ECE1: variants seen among roughly 807,000 people sequenced by gnomAD.
ECE1 encodes endothelin converting enzyme 1, also known as endothelin-converting enzyme 1.
In ECE1, 35 loss-of-function variants were observed where a neutral mutation model predicts 98.6. That is an observed-to-expected ratio of 0.35 (90% confidence interval 0.27 to 0.47). The LOEUF (loss-of-function observed/expected upper bound fraction) is 0.47, where lower values mean the gene tolerates loss of function less well. Ranked by LOEUF, ECE1 falls within the 20% of genes least tolerant of loss-of-function variation. The probability of loss-of-function intolerance (pLI) is 1.00; values close to 1 mark genes in which losing one functional copy is unlikely to be tolerated. For synonymous variants in ECE1, 394 were observed against 407.1 expected, an observed-to-expected ratio of 0.97 and a Z score of 0.39; for missense variants, 814 against 1,025.3, an observed-to-expected ratio of 0.79 and a Z score of 2.81.
Position 21,225,238 on chromosome 1 carries a change from C to G in ECE1, c.2040+12G>C, listed in dbSNP as rs771179099. On this transcript the variant is annotated intron_variant, in intron 17 of 18. Coordinates refer to ENST00000374893, the MANE Select transcript of ECE1 (RefSeq NM_001397.3). This position sits in a 1 kb window ranked among gnomAD's most constrained non-coding sequence, Gnocchi z 5.3. ...ACTGGGACCGTGCGCGTGTGGGGAG[C>G]GGGGCTCTCACCCGATAGGCCGCCT... 10 of 1,613,506 alleles carry G rather than the reference C, an allele frequency of 6.2e-6. 1 individual carries two copies. In the East Asian group the frequency reaches 8.9e-5, roughly 14 times the overall value.
At chr1:21,343,613 T>G (rs912731820) in intron 1 of ECE1, among the ~76,000 whole-genome samples, 6 of 152,234 alleles carry the variant, frequency 3.9e-5, no homozygotes, top group African/African-American at 1.4e-4. Context: ...TGTTATCATC[T>G]CATCTTGCAG....
chr1:21,327,031 C>T lies in ECE1; in HGVS notation c.3+18345G>A, dbSNP rs903478658. On this transcript the variant is annotated intron_variant, in intron 1 of 18. Coordinates refer to the ECE1 transcript ENST00000415912. The surrounding 1 kb of genome is among the most constrained non-coding windows in gnomAD (Gnocchi z 4.6). ...GGCAGGGTCCTGAGGGCCCTGGTCT[C>T]GCTGGGGTCGCATAGGTCACATGGA... Among the ~76,000 whole-genome samples the T allele has an allele frequency of 5.3e-5, 8 of 152,302 alleles. No homozygotes were observed. The highest frequency in any genetic ancestry group is 7.2e-5 in the African/African-American group (3 of 41,566).
chr1:21,252,841 G>A (rs16825157), intron 8 of ECE1, among the ~76,000 whole-genome samples: 7,267 of 152,266 alleles, frequency 0.048, 560 homozygotes, highest in African/African-American at 0.16. Flanking sequence ...GTTCCTGGGT[G>A]ACATCGCTAA....
upstream of ECE1, among the ~76,000 whole-genome samples, chr1:21,290,936 G>A (rs1283125408): frequency 1.3e-5 from 2 of 152,136 alleles, no homozygotes; most frequent in African/African-American, 4.8e-5. The surrounding 1 kb of genome is among the most constrained non-coding windows in gnomAD (Gnocchi z 7.3). Context: ...AAATTTCAGA[G>A]AACTCCCTGA....
intron 1 of ECE1, among the ~76,000 whole-genome samples, chr1:21,331,341 T>C (rs751243421): frequency 5.3e-5 from 8 of 151,860 alleles, no homozygotes; most frequent in African/African-American, 1.9e-4. Context: ...GAGGTGACAA[T>C]TGCAATGAGC....
intron 12 of ECE1, 32 bp downstream of exon 12, chr1:21,236,714 A>G: frequency 6.2e-7 from 1 of 1,602,348 alleles, no homozygotes; most frequent in South Asian, 1.1e-5. Context: ...TGGACGCCGC[A>G]GCACCCCCTC....
intron 14 of ECE1, among the ~76,000 whole-genome samples, chr1:21,229,321 C>T (rs867426599): frequency 1.3e-4 from 19 of 151,890 alleles, no homozygotes; most frequent in Non-Finnish European, 2.5e-4. Context: ...GTAGCTGGGA[C>T]TACAAGCACT....
chr1:21,303,196 G>A (rs1172962904), intron 1 of ECE1, among the ~76,000 whole-genome samples: 2 of 152,222 alleles, frequency 1.3e-5, no homozygotes, highest in Non-Finnish European at 2.9e-5. Context: ...GGGTGGGGCC[G>A]TGGTACTCTC....
At chr1:21,317,432 A>G (rs1638853242) in intron 1 of ECE1, among the ~76,000 whole-genome samples, 2 of 152,214 alleles carry the variant, frequency 1.3e-5, no homozygotes, top group South Asian at 4.1e-4. Context: ...CGCAGGCCTC[A>G]GATGGGGAAA....
chr1:21,316,338 G>A (rs112770962), intron 1 of ECE1, among the ~76,000 whole-genome samples: 56 of 152,200 alleles, frequency 3.7e-4, no homozygotes, highest in Middle Eastern at 3.4e-3. Context: ...GCACGATCTC[G>A]GCTCACTACA....
intron 8 of ECE1, among the ~76,000 whole-genome samples, chr1:21,249,124 C>G (rs1246878839): frequency 6.6e-6 from 1 of 152,040 alleles, no homozygotes; most frequent in East Asian, 1.9e-4. Context: ...CAGTGGATCA[C>G]CTGAGGTCAG....
At position 21,327,899 on chromosome 1, in the gene ECE1, G is replaced by A. The variant is rs1044680785; in HGVS notation, c.3+17477C>T. Among the ~76,000 whole-genome samples, 7 of 152,222 alleles carry A rather than the reference G, an allele frequency of 4.6e-5. No homozygotes were observed. The highest frequency in any genetic ancestry group is 1.5e-5 in the Non-Finnish European group (1 of 68,044). On this transcript the variant is annotated intron_variant, in intron 1 of 18. Coordinates refer to the ECE1 transcript ENST00000415912. The surrounding 1 kb of genome is among the most constrained non-coding windows in gnomAD (Gnocchi z 4.6). ...GAACCCTATTGTGAACTGCACGTGCGAGGGATCTAGGCTGTGCATTCCTAT... is the reference window on the plus strand; with the variant it reads ...GAACCCTATTGTGAACTGCACGTGCAAGGGATCTAGGCTGTGCATTCCTAT...
At chr1:21,228,065 G>A in intron 14 of ECE1, 24 bp from the exon 15 acceptor site, 1 of 1,544,422 alleles carries the variant, frequency 6.5e-7, no homozygotes, top group Non-Finnish European at 8.8e-7. Flanking sequence ...ACATGCAGGA[G>A]GTCTCAGCAC....
intron 4 of ECE1, among the ~76,000 whole-genome samples, chr1:21,261,842 G>T (rs779762486): frequency 6.6e-6 from 1 of 152,238 alleles, no homozygotes; most frequent in African/African-American, 2.4e-5. Context: ...TTCACCAGGT[G>T]GAAGGGAGGG....
chr1:21,246,356 C>A (rs150426029), intron 9 of ECE1, among the ~76,000 whole-genome samples: 3 of 151,272 alleles, frequency 2.0e-5, no homozygotes, highest in African/African-American at 4.9e-5. Context: ...AAACATTAGC[C>A]GGTGTGGTGG....
intron 2 of ECE1, among the ~76,000 whole-genome samples, chr1:21,284,403 C>T (rs1199096806): frequency 2.0e-5 from 3 of 152,086 alleles, no homozygotes; most frequent in Non-Finnish European, 4.4e-5. Flanking sequence ...ATGCTCAGCT[C>T]GCTGGTGGGC....
intron 2 of ECE1, among the ~76,000 whole-genome samples, chr1:21,287,717 T>A (rs2098262226): frequency 6.6e-6 from 1 of 152,186 alleles, no homozygotes; most frequent in African/African-American, 2.4e-5. Flanking sequence ...GTGTTATGAT[T>A]TTTAATGGCA....
In ECE1 at chr1:21,345,251, T is replaced by C; in HGVS notation, c.3+125A>G. ...CGCCTTCCGAGAGCCGGGCGGGGGC[T>C]GCTGCTGCAGCCGGCGCCCAGCCCC... On this transcript the variant is annotated intron_variant, in intron 1 of 18. Transcript: ENST00000415912. This position sits in a 1 kb window ranked among gnomAD's most constrained non-coding sequence, Gnocchi z 5.1. 1 of 1,162,176 alleles carries C rather than the reference T, an allele frequency of 8.6e-7. No individual in the cohort carries two copies. Among genetic ancestry groups the C allele is most frequent in the Non-Finnish European group, 1.1e-6 (1 of 940,034 alleles). 72.0% of individuals were successfully genotyped at this position (1,162,176 alleles called of 1,614,324 possible).
chr1:21,294,902 C>T (rs1434271684), upstream of ECE1, among the ~76,000 whole-genome samples: 1 of 152,198 alleles, frequency 6.6e-6, no homozygotes, highest in Non-Finnish European at 1.5e-5. This position sits in a 1 kb window ranked among gnomAD's most constrained non-coding sequence, Gnocchi z 4.2. Context: ...CCTTTGTGGC[C>T]GAAGTCCCCA....
Sources: allele counts gnomAD v4.1 joint callset (sites outside exome capture counted in the v4.1 genomes callset), GRCh38; gene constraint gnomAD v4.1.1; non-coding constraint Gnocchi (gnomAD v3.1); transcripts MANE v1.5; gene names NCBI Gene and HGNC (gene_info 2026-07-23, HGNC 2026-07-21).